Variants in PPP2R2B observed in about 807,000 individuals in gnomAD.
PPP2R2B encodes protein phosphatase 2 regulatory subunit Bbeta.
PPP2R2B carries 5 observed loss-of-function variants against 46.0 expected under a neutral mutation model. The observed-to-expected ratio is 0.11, with a 90% CI of 0.06 to 0.23. The LOEUF (loss-of-function observed/expected upper bound fraction) is 0.23. Ranked by LOEUF, PPP2R2B falls within the 10% of genes least tolerant of loss-of-function variation. The pLI is 1.00. For synonymous variants in PPP2R2B, 215 were observed against 206.7 expected, an observed-to-expected ratio of 1.04 and a Z score of -0.34; for missense variants, 367 against 575.0, an observed-to-expected ratio of 0.64 and a Z score of 3.70.
intron 2 of PPP2R2B, among the ~76,000 whole-genome samples, chr5:146,761,340 A>C (rs1754152066): frequency 6.6e-6 from 1 of 152,222 alleles, no homozygotes; most frequent in African/African-American, 2.4e-5. Context: ...AGCCATAAAA[A>C]ATGATGAGTT....
chr5:146,631,363 T>C (rs910379104), intron 7 of PPP2R2B, among the ~76,000 whole-genome samples: 2 of 152,218 alleles, frequency 1.3e-5, no homozygotes, highest in Non-Finnish European at 2.9e-5. Flanking sequence ...TAGCCTCTGC[T>C]AGTCTTTGTC....
intron 2 of PPP2R2B, among the ~76,000 whole-genome samples, chr5:146,721,402 C>T (rs572896159): frequency 7.9e-5 from 12 of 152,222 alleles, no homozygotes; most frequent in Admixed American, 7.8e-4. Context: ...TGTGAAACAT[C>T]CAGAGGCTCT....
intron 2 of PPP2R2B, among the ~76,000 whole-genome samples, chr5:146,799,752 G>A (rs1756755279): frequency 1.3e-5 from 2 of 152,218 alleles, no homozygotes; most frequent in South Asian, 2.1e-4. Flanking sequence ...TTTAACAGAT[G>A]TTCTGTTTAT....
intron 1 of PPP2R2B, among the ~76,000 whole-genome samples, chr5:146,926,616 C>G (rs1360756831): frequency 6.6e-6 from 1 of 152,118 alleles, no homozygotes; most frequent in African/African-American, 2.4e-5. Context: ...AATGATTGAA[C>G]ATCATTTATG....
chr5:146,705,844 A>C, intron 2 of PPP2R2B, among the ~76,000 whole-genome samples: 1 of 152,172 alleles, frequency 6.6e-6, no homozygotes, highest in East Asian at 1.9e-4. Flanking sequence ...TATGTCATAA[A>C]ATTTAGAAAA....
intron 5 of PPP2R2B, among the ~76,000 whole-genome samples, chr5:146,676,792 A>G (rs910807328): frequency 6.6e-6 from 1 of 152,196 alleles, no homozygotes; most frequent in Admixed American, 6.5e-5. Flanking sequence ...CCTGGCTTAC[A>G]GTAGGGACTT....
chr5:146,672,200 T>C (rs554752589), intron 5 of PPP2R2B, among the ~76,000 whole-genome samples: 1 of 152,154 alleles, frequency 6.6e-6, no homozygotes, highest in East Asian at 1.9e-4. Flanking sequence ...AGATGTAAAT[T>C]TCCCAGGGGA....
chr5:146,690,953 G>T (rs1778810556), intron 5 of PPP2R2B, among the ~76,000 whole-genome samples, 175 bp downstream of exon 5: 1 of 152,206 alleles, frequency 6.6e-6, no homozygotes, highest in Non-Finnish European at 1.5e-5. Flanking sequence ...TAGAAGGCTT[G>T]GCACCTTTCC....
At chr5:146,607,966 C>T (rs1158196401) in intron 7 of PPP2R2B, 1 of 152,146 alleles carries the variant, frequency 6.6e-6, no homozygotes, top group Non-Finnish European at 1.5e-5. Context: ...ATTGAAATTT[C>T]AATTTTGTAT....
chr5:146,890,020 G>T lies in PPP2R2B; in HGVS notation c.79+165645C>A, dbSNP rs2926165. On this transcript the variant is annotated intron_variant, in intron 1 of 8. Transcript: ENST00000336640. The stretch of plus-strand genomic sequence containing the variant: ...TGAGACCTGGTGTCCTGAATCCCAT[G>T]ATCACATCCGCACACACACAATGGC... 6.4e-3 allele frequency among the ~76,000 whole-genome samples: 970 copies of T among 152,340 alleles called. 6 individuals carry two copies. Among genetic ancestry groups the T allele is most frequent in the Middle Eastern group, 0.027 (8 of 294 alleles).
intron 1 of PPP2R2B, among the ~76,000 whole-genome samples, chr5:147,047,461 C>T (rs988480294): frequency 3.3e-5 from 5 of 151,902 alleles, no homozygotes; most frequent in Admixed American, 3.3e-4. Context: ...AACTCCACCC[C>T]CCAAAATGTA....
At chr5:146,737,836 A>T (rs1055360800) in intron 2 of PPP2R2B, among the ~76,000 whole-genome samples, 1 of 152,030 alleles carries the variant, frequency 6.6e-6, no homozygotes, top group Non-Finnish European at 1.5e-5. Context: ...GCTACTTGGG[A>T]TGCTGAGGTG....
At chr5:146,776,443 A>G (rs1755187272) in intron 2 of PPP2R2B, among the ~76,000 whole-genome samples, 1 of 152,108 alleles carries the variant, frequency 6.6e-6, no homozygotes, top group African/African-American at 2.4e-5. Context: ...AAAACCAGAC[A>G]TCCACATTCA....
Position 146,790,113 on chromosome 5 carries a change from C to T in PPP2R2B, c.70+87889G>A, listed in dbSNP as rs74666462. Among the ~76,000 whole-genome samples the T allele has an allele frequency of 3.1e-4, 47 of 152,274 alleles. No homozygotes were observed. The East Asian group carries it at 4.3e-3, about 14-fold the overall frequency. ...TAATGTAGTCTAGTTAATTGCCCTT[C>T]GGGACTGCTCTGTGTATGAATGTAA... On this transcript the variant is annotated intron_variant, in intron 2 of 9. Transcript: ENST00000394411.
rs531489545 is a variant in PPP2R2B at position 147,068,898 on chromosome 5, G to A, written c.50+12161C>T. The stretch of plus-strand genomic sequence containing the variant: ...GAGAAGCACACATGGACAAACGACT[G>A]TGCCATAATTTTGGGAAAGGTTGCT... On this transcript the variant is annotated intron_variant, in intron 2 of 10. Coordinates refer to the PPP2R2B transcript ENST00000394413. Among the ~76,000 whole-genome samples the A allele has an allele frequency of 2.0e-5, 3 of 152,200 alleles. No individual in the cohort carries two copies. The East Asian group carries it at 5.8e-4, about 29-fold the overall frequency.
At chr5:146,847,584 G>A (rs1760083478) in intron 2 of PPP2R2B, among the ~76,000 whole-genome samples, 1 of 152,134 alleles carries the variant, frequency 6.6e-6, no homozygotes, top group Admixed American at 6.5e-5. Context: ...TGCTCTGTTG[G>A]TGGTGGATGT....
chr5:146,937,050 C>T (rs924687396), intron 1 of PPP2R2B, among the ~76,000 whole-genome samples: 9 of 151,990 alleles, frequency 5.9e-5, no homozygotes, highest in African/African-American at 1.9e-4. Flanking sequence ...GTCTGTAATC[C>T]CAGCACTTTG....
chr5:146,739,141 C>T (rs1581991638), intron 2 of PPP2R2B, among the ~76,000 whole-genome samples: 1 of 152,040 alleles, frequency 6.6e-6, no homozygotes, highest in South Asian at 2.1e-4. Flanking sequence ...ATCCCCCGAA[C>T]CTCTTGAGTA....
chr5:147,022,195 A>T (rs1023151019), intron 1 of PPP2R2B, among the ~76,000 whole-genome samples: 2 of 152,184 alleles, frequency 1.3e-5, no homozygotes, highest in African/African-American at 4.8e-5. Flanking sequence ...AAGTCATTGA[A>T]CATACTGCAA....
Sources: allele counts gnomAD v4.1 joint callset (sites outside exome capture counted in the v4.1 genomes callset), GRCh38; gene constraint gnomAD v4.1.1; transcripts MANE v1.5; gene names NCBI Gene and HGNC (gene_info 2026-07-23, HGNC 2026-07-21).